SH3GLB1: variants seen among roughly 807,000 people sequenced by gnomAD.
The protein encoded by SH3GLB1 is endophilin-B1.
In SH3GLB1, 17 loss-of-function variants were observed where a neutral mutation model predicts 42.0. The ratio of observed to expected loss-of-function variants is 0.40; its 90% CI spans 0.28 to 0.61. SH3GLB1 has a LOEUF of 0.61. SH3GLB1 is among the 20% of genes least tolerant of loss of function. The probability of loss-of-function intolerance (pLI) is 0.36; values close to 1 mark genes in which losing one functional copy is unlikely to be tolerated. For missense variants in SH3GLB1, 355 were observed against 426.3 expected, an observed-to-expected ratio of 0.83 and a Z score of 1.47; for synonymous variants, 132 against 146.6, an observed-to-expected ratio of 0.90 and a Z score of 0.72.
At chr1:86,739,023 T>A (rs1355610894) in intron 7 of SH3GLB1, among the ~76,000 whole-genome samples, 1 of 152,176 alleles carries the variant, frequency 6.6e-6, no homozygotes, top group Non-Finnish European at 1.5e-5. Context: ...AGGCAAAGAT[T>A]TCAGGGATGG....
intron 2 of SH3GLB1, 56 bp downstream of exon 2, chr1:86,715,921 TAA>T: frequency 1.4e-6 from 2 of 1,444,146 alleles, no homozygotes; most frequent in East Asian, 2.5e-5. Context: ...TTTTAAATGT[TAA>T]AAAAAAAAGT....
rs1232762492 is a variant in SH3GLB1, at chr1:86,716,260, T to C, written c.214+395T>C. On this transcript the variant is annotated intron_variant, in intron 2 of 8. Coordinates refer to ENST00000370558, the MANE Select transcript of SH3GLB1 (RefSeq NM_016009.5). ...ATGTTTAAGTTTTTGGTGTGTTTTT[T>C]TGTTTGTTTGTTTGTTTGTTTGTTT... Among the ~76,000 whole-genome samples the C allele has an allele frequency of 2.7e-5, 4 of 146,874 alleles. No homozygotes were observed. In the East Asian group the frequency reaches 5.9e-4, roughly 22 times the overall value.
chr1:86,718,875 G>A (rs1311022855), intron 2 of SH3GLB1, among the ~76,000 whole-genome samples: 1 of 152,002 alleles, frequency 6.6e-6, no homozygotes, highest in Non-Finnish European at 1.5e-5. Context: ...TTTTAATGAT[G>A]AAATCTTTTG....
chr1:86,709,381 T>C (rs1654063519), intron 1 of SH3GLB1, among the ~76,000 whole-genome samples: 1 of 152,172 alleles, frequency 6.6e-6, no homozygotes, highest in South Asian at 2.1e-4. Context: ...TTTTCTAACA[T>C]TGTTTGCGGA....
At chr1:86,740,694 A>G (rs1295356534) in intron 7 of SH3GLB1, among the ~76,000 whole-genome samples, 1 of 152,172 alleles carries the variant, frequency 6.6e-6, no homozygotes, top group Non-Finnish European at 1.5e-5. Context: ...GACTGTGGGA[A>G]TAGGTGGCTG....
At chr1:86,714,327 A>G (rs890747834) in intron 1 of SH3GLB1, among the ~76,000 whole-genome samples, 5 of 152,142 alleles carry the variant, frequency 3.3e-5, no homozygotes, top group Admixed American at 1.3e-4. Context: ...TGGCCTTGGG[A>G]TCAGGGTTTG....
chr1:86,721,910 T>A (rs1654881403), intron 3 of SH3GLB1, among the ~76,000 whole-genome samples: 1 of 151,984 alleles, frequency 6.6e-6, no homozygotes, highest in African/African-American at 2.4e-5. Context: ...CTTTAAATCA[T>A]CTGAATGTAA....
intron 7 of SH3GLB1, among the ~76,000 whole-genome samples, chr1:86,740,150 C>CA (rs35758882): frequency 7.2e-4 from 102 of 141,554 alleles, no homozygotes; most frequent in Middle Eastern, 3.6e-3. Flanking sequence ...ACTCCTGTAT[C>CA]AAAAAAAAAA....
chr1:86,724,532 T>G (rs548567305), intron 5 of SH3GLB1, 127 bp downstream of exon 5: 57 of 744,470 alleles, frequency 7.7e-5, no homozygotes, highest in Middle Eastern at 4.0e-4. Flanking sequence ...AACAAATTTA[T>G]CAGAACTTAA....
intron 7 of SH3GLB1, chr1:86,738,615 A>T (rs1422768812): frequency 6.6e-6 from 1 of 152,078 alleles, no homozygotes; most frequent in African/African-American, 2.4e-5. Flanking sequence ...TATTGGACAC[A>T]AAGAGGTCAA....
At chr1:86,732,744 T>C (rs765929321) in intron 5 of SH3GLB1, among the ~76,000 whole-genome samples, 4 of 152,156 alleles carry the variant, frequency 2.6e-5, no homozygotes, top group Non-Finnish European at 2.9e-5. Flanking sequence ...TTTTATTCAG[T>C]GTACTTAGCA....
chr1:86,720,458 A>G (rs972306361), intron 3 of SH3GLB1, among the ~76,000 whole-genome samples: 15 of 152,296 alleles, frequency 9.8e-5, no homozygotes, highest in African/African-American at 2.4e-4. Flanking sequence ...CAAATTTTCT[A>G]TAGCCGTGGT....
intron 5 of SH3GLB1, among the ~76,000 whole-genome samples, chr1:86,731,188 C>T (rs565298086): frequency 6.6e-6 from 1 of 152,238 alleles, no homozygotes; most frequent in East Asian, 1.9e-4. Context: ...GTTTCAAATG[C>T]TTTTTTAAGT....
chr1:86,739,740 A>T (rs1655966256), intron 7 of SH3GLB1, among the ~76,000 whole-genome samples: 2 of 152,122 alleles, frequency 1.3e-5, no homozygotes, highest in South Asian at 4.1e-4. Flanking sequence ...AAATATGATA[A>T]TGTGGGAGGG....
chr1:86,734,953 G>C, intron 6 of SH3GLB1, 126 bp from the exon 7 acceptor site: 1 of 715,666 alleles, frequency 1.4e-6, no homozygotes, highest in South Asian at 1.8e-5. Flanking sequence ...ATCTTAATAA[G>C]CCTTGTAGTA....
At chr1:86,737,901 A>T (rs1655854325) in intron 7 of SH3GLB1, among the ~76,000 whole-genome samples, 1 of 152,298 alleles carries the variant, frequency 6.6e-6, no homozygotes, top group East Asian at 1.9e-4. Flanking sequence ...AGGGCATGAC[A>T]TAGCTGGTAT....
At chr1:86,737,879 A>G (rs974692872) in intron 7 of SH3GLB1, among the ~76,000 whole-genome samples, 1 of 152,198 alleles carries the variant, frequency 6.6e-6, no homozygotes, top group African/African-American at 2.4e-5. Context: ...TGCAGCAAGT[A>G]CAAAAACCCT....
chr1:86,733,566 A>C lies in SH3GLB1; in HGVS notation c.571-1036A>C, dbSNP rs143251754. On this transcript the variant is annotated intron_variant, in intron 5 of 8. Transcript: ENST00000370558. ...GATGATGTAACCAATGATAATTCCC[A>C]ATGGGAGAAAAGCTAACTATTCTGA... Among the ~76,000 whole-genome samples, 266 of 152,294 alleles carry C rather than the reference A, an allele frequency of 1.7e-3. 1 individual carries two copies. Among genetic ancestry groups the C allele is most frequent in the African/African-American group, 6.1e-3 (253 of 41,554 alleles).
chr1:86,715,946 C>T, intron 2 of SH3GLB1, 81 bp downstream of exon 2: 1 of 1,420,070 alleles, frequency 7.0e-7, no homozygotes, highest in East Asian at 2.4e-5. Context: ...TAATGGCCAT[C>T]TGAAAACATA....
Sources: allele counts gnomAD v4.1 joint callset (sites outside exome capture counted in the v4.1 genomes callset), GRCh38; gene constraint gnomAD v4.1.1; transcripts MANE v1.5; gene names NCBI Gene and HGNC (gene_info 2026-07-23, HGNC 2026-07-21).